Variants in LARGE1 observed in about 807,000 individuals in gnomAD.
LARGE1 encodes the protein LARGE xylosyl- and glucuronyltransferase 1.
In LARGE1, 43 loss-of-function variants were observed where a neutral mutation model predicts 87.6. That is an observed-to-expected ratio of 0.49 (90% CI 0.38 to 0.63). LARGE1 has a LOEUF of 0.63. Ranked by LOEUF, LARGE1 falls within the 30% of genes least tolerant of loss-of-function variation. The pLI, the probability that LARGE1 is intolerant of heterozygous loss-of-function variation, is 0.00. For synonymous variants in LARGE1, 434 were observed against 394.6 expected, an observed-to-expected ratio of 1.10 and a Z score of -1.18; for missense variants, 802 against 1,000.2, an observed-to-expected ratio of 0.80 and a Z score of 2.67.
chr22:33,366,255 C>A (rs565124220), intron 9 of LARGE1, among the ~76,000 whole-genome samples: 1 of 152,316 alleles, frequency 6.6e-6, no homozygotes, highest in East Asian at 1.9e-4. Flanking sequence ...TCTTCATATA[C>A]CAAAATGCTT....
intron 2 of LARGE1, chr22:33,750,745 C>A (rs940648009): frequency 6.6e-6 from 1 of 152,050 alleles, no homozygotes; most frequent in African/African-American, 2.4e-5. Flanking sequence ...GGTAAGAATA[C>A]TGGTCTTGTT....
At chr22:33,709,074 A>G (rs2149395795) in intron 2 of LARGE1, among the ~76,000 whole-genome samples, 1 of 152,290 alleles carries the variant, frequency 6.6e-6, no homozygotes, top group Admixed American at 6.5e-5. Flanking sequence ...TCACCTCTGT[A>G]AAGACCCCAT....
intron 1 of LARGE1, among the ~76,000 whole-genome samples, chr22:33,897,631 A>G (rs956701323): frequency 1.3e-5 from 2 of 152,236 alleles, no homozygotes; most frequent in Non-Finnish European, 2.9e-5. Flanking sequence ...ACAGACAGCC[A>G]AAATGTGGCG....
chr22:33,430,623 A>T (rs977055843), intron 7 of LARGE1, among the ~76,000 whole-genome samples: 1 of 152,206 alleles, frequency 6.6e-6, no homozygotes, highest in Non-Finnish European at 1.5e-5. Context: ...CATATCTAAT[A>T]CTCAGGCAAA....
chr22:33,435,898 GA>G (rs781260124), intron 6 of LARGE1, among the ~76,000 whole-genome samples: 2 of 152,130 alleles, frequency 1.3e-5, no homozygotes, highest in African/African-American at 2.4e-5. Context: ...GAAAAAAACA[GA>G]ATAATCAGCA....
At chr22:33,689,999 T>C (rs1233180463) in intron 2 of LARGE1, among the ~76,000 whole-genome samples, 4 of 152,184 alleles carry the variant, frequency 2.6e-5, no homozygotes, top group African/African-American at 9.7e-5. Flanking sequence ...TCTTTCACAT[T>C]ACACATTACA....
intron 7 of LARGE1, among the ~76,000 whole-genome samples, chr22:33,426,986 C>T (rs760368445): frequency 6.6e-6 from 1 of 152,210 alleles, no homozygotes; most frequent in Non-Finnish European, 1.5e-5. Flanking sequence ...CCTTCCCTCA[C>T]CTCATTCTCC....
At chr22:33,651,153 C>T (rs549519618) in intron 2 of LARGE1, among the ~76,000 whole-genome samples, 4 of 147,594 alleles carry the variant, frequency 2.7e-5, no homozygotes, top group Non-Finnish European at 3.0e-5. Flanking sequence ...GAGGCCAAGA[C>T]GGGCGGATCA....
chr22:33,134,499 C>T, the LARGE1 span, among the ~76,000 whole-genome samples: 2 of 152,148 alleles, frequency 1.3e-5, no homozygotes, highest in African/African-American at 4.8e-5. Context: ...GCTTGTGATC[C>T]GCCCGCCTCG....
chr22:33,727,236 C>T (rs1056306950), intron 2 of LARGE1, among the ~76,000 whole-genome samples: 3 of 152,100 alleles, frequency 2.0e-5, no homozygotes, highest in African/African-American at 7.2e-5. Context: ...TCAGACTGTG[C>T]CAAGGGATGA....
intron 1 of LARGE1, among the ~76,000 whole-genome samples, chr22:33,792,525 C>A (rs1447252119): frequency 6.6e-6 from 1 of 152,134 alleles, no homozygotes; most frequent in Non-Finnish European, 1.5e-5. Context: ...TGAGAATGAA[C>A]TAACACAGGA....
intron 7 of LARGE1, among the ~76,000 whole-genome samples, chr22:33,408,204 C>T (rs747458344): frequency 2.0e-5 from 3 of 151,908 alleles, no homozygotes; most frequent in Non-Finnish European, 2.9e-5. Flanking sequence ...AGGATGGTCT[C>T]GATCTCCTGA....
chr22:33,837,279 C>CACACACAT (rs1491397964), intron 1 of LARGE1, among the ~76,000 whole-genome samples: 2 of 151,636 alleles, frequency 1.3e-5, no homozygotes, highest in South Asian at 4.2e-4. Context: ...CACACACACA[C>CACACACAT]ACCTATACAT....
At chr22:33,840,925 C>A (rs2063263894) in intron 1 of LARGE1, among the ~76,000 whole-genome samples, 1 of 152,200 alleles carries the variant, frequency 6.6e-6, no homozygotes, top group African/African-American at 2.4e-5. Flanking sequence ...ACCTGGATGA[C>A]TTTCCAGCTT....
At chr22:33,763,128 G>A (rs938878868) in intron 1 of LARGE1, among the ~76,000 whole-genome samples, 2 of 152,170 alleles carry the variant, frequency 1.3e-5, no homozygotes, top group Non-Finnish European at 2.9e-5. Context: ...GATCCACCTT[G>A]CATTCTTTAA....
intron 11 of LARGE1, among the ~76,000 whole-genome samples, chr22:33,225,184 C>G (rs1189654905): frequency 1.3e-5 from 2 of 152,124 alleles, no homozygotes; most frequent in Non-Finnish European, 2.9e-5. Context: ...CAGCCGTGGG[C>G]ATGATAGAGA....
chr22:33,334,423 CAAA>C (rs919216084), intron 10 of LARGE1, among the ~76,000 whole-genome samples: 3 of 52,374 alleles, frequency 5.7e-5, no homozygotes, highest in Admixed American at 3.9e-4. Flanking sequence ...AAAAAAAAAA[CAAA>C]AAAAAAAAAC....
intron 7 of LARGE1, among the ~76,000 whole-genome samples, chr22:33,404,720 C>G (rs1322300026): frequency 6.6e-6 from 1 of 152,210 alleles, no homozygotes; most frequent in Non-Finnish European, 1.5e-5. Context: ...TATCCTGGCT[C>G]AAGCTTTGAG....
At chr22:33,910,864 A>G (rs2065616046) in intron 1 of LARGE1, among the ~76,000 whole-genome samples, 1 of 152,174 alleles carries the variant, frequency 6.6e-6, no homozygotes, top group South Asian at 2.1e-4. Context: ...AAACCTGGAG[A>G]GGAGTCCTAG....
Sources: gnomAD v4.1 joint callset for allele counts (sites outside exome capture counted in the v4.1 genomes callset) on GRCh38, gnomAD v4.1.1 for gene constraint, MANE v1.5 for transcripts, NCBI Gene and HGNC (gene_info 2026-07-23, HGNC 2026-07-21) for gene names.